The following PAPPA variants were observed in gnomAD, a reference collection of about 807,000 sequenced individuals.
PAPPA encodes the protein pappalysin 1.
PAPPA carries 60 observed loss-of-function variants against 164.0 expected under a neutral mutation model. The observed-to-expected ratio is 0.37, with a 90% confidence interval of 0.30 to 0.45. The LOEUF is 0.45. Among genes scored for constraint, PAPPA ranks in the 20% least tolerant of loss-of-function variants. The pLI is 1.00. For synonymous variants in PAPPA, 875 were observed against 814.1 expected, an observed-to-expected ratio of 1.07 and a Z score of -1.27; for missense variants, 1,782 against 2,087.3, an observed-to-expected ratio of 0.85 and a Z score of 2.85.
intron 17 of PAPPA, among the ~76,000 whole-genome samples, chr9:116,358,547 T>C (rs1846382648): frequency 6.6e-6 from 1 of 152,260 alleles, no homozygotes; most frequent in Admixed American, 6.5e-5. Flanking sequence ...CAACCAGACA[T>C]GGTGGAACTG....
chr9:116,234,124 C>G (rs1009490047), intron 6 of PAPPA, among the ~76,000 whole-genome samples: 1 of 152,122 alleles, frequency 6.6e-6, no homozygotes, highest in South Asian at 2.1e-4. Context: ...CTCCCTTAAA[C>G]AAATTAGAGC....
At position 116,397,598 on chromosome 9, in the gene PAPPA, G is replaced by C. The variant is rs890778138; in HGVS notation, c.*982G>C. ...TCCTCACTTTTTAGCCCTTCTGCAA[G>C]AGAAAAACCCTCATGGGTCCACATG... On this transcript the variant is annotated 3_prime_UTR_variant, in exon 22 of 22. Coordinates refer to ENST00000328252, the MANE Select transcript of PAPPA (RefSeq NM_002581.5). 1 of 152,614 alleles carries C rather than the reference G, an allele frequency of 6.6e-6. No homozygotes were observed. 9.5% of individuals were successfully genotyped at this position (152,614 alleles called of 1,614,324 possible). A position where few individuals can be genotyped will look rare whatever the true frequency, so the allele number is the denominator to read the frequency against.
At chr9:116,171,569 A>C (rs1245613717) in intron 1 of PAPPA, among the ~76,000 whole-genome samples, 4 of 151,736 alleles carry the variant, frequency 2.6e-5, no homozygotes, top group African/African-American at 9.7e-5. Context: ...GTGTTCCAAA[A>C]GAACAGTATC....
chr9:116,374,158 T>A (rs202184805), intron 19 of PAPPA, among the ~76,000 whole-genome samples: 4 of 143,702 alleles, frequency 2.8e-5, no homozygotes, highest in Middle Eastern at 3.5e-3. Flanking sequence ...GGTGGTAGTG[T>A]TGGTGGTGGT....
intron 7 of PAPPA, among the ~76,000 whole-genome samples, chr9:116,238,125 G>C (rs1033568528): frequency 6.6e-6 from 1 of 152,008 alleles, no homozygotes; most frequent in Non-Finnish European, 1.5e-5. Flanking sequence ...TTATTTAATG[G>C]TTAAGAATAA....
intron 17 of PAPPA, among the ~76,000 whole-genome samples, chr9:116,359,276 G>A (rs1356881455): frequency 6.6e-6 from 1 of 152,218 alleles, no homozygotes; most frequent in Non-Finnish European, 1.5e-5. Context: ...CACTGGGCAT[G>A]TTATAGGTGT....
chr9:116,219,153 C>T (rs1844411668), intron 4 of PAPPA, among the ~76,000 whole-genome samples: 1 of 152,218 alleles, frequency 6.6e-6, no homozygotes, highest in South Asian at 2.1e-4. Context: ...TCAACTATCT[C>T]CTTCTTTAGA....
chr9:116,325,318 A>G (rs1339376665), intron 10 of PAPPA, among the ~76,000 whole-genome samples: 1 of 152,124 alleles, frequency 6.6e-6, no homozygotes, highest in Non-Finnish European at 1.5e-5. Context: ...TGATATTGTG[A>G]CTATGAAACC....
At chr9:116,391,289 C>A (rs1024730275) in intron 21 of PAPPA, among the ~76,000 whole-genome samples, 3 of 152,138 alleles carry the variant, frequency 2.0e-5, no homozygotes, top group Non-Finnish European at 2.9e-5. Flanking sequence ...TGGCATCATG[C>A]CTTTATCTAC....
In PAPPA at chr9:116,399,063, T is replaced by C. The variant is rs183977630; in HGVS notation, c.*2447T>C. On this transcript the variant is annotated 3_prime_UTR_variant, in exon 22 of 22. Coordinates refer to ENST00000328252, the MANE Select transcript of PAPPA (RefSeq NM_002581.5). ...AAGCTCTGAAGACCCAAAGATGACA[T>C]TACTAATGATGTGATTTCAGGAGCC... 1 of 175,592 alleles carries C rather than the reference T, an allele frequency of 5.7e-6. No individual in the cohort carries two copies. The highest frequency in any genetic ancestry group is 1.7e-4 in the East Asian group (1 of 5,952). The allele number at this position is 175,592 out of a possible 1,614,324, so 10.9% of individuals were successfully genotyped here. A position where few individuals can be genotyped will look rare whatever the true frequency, so the allele number is the denominator to read the frequency against.
chr9:116,295,001 C>G (rs1416997210), intron 9 of PAPPA, among the ~76,000 whole-genome samples: 1 of 152,160 alleles, frequency 6.6e-6, no homozygotes, highest in Admixed American at 6.5e-5. Flanking sequence ...AGTGCACATT[C>G]AAAATCTTTG....
rs1488448297 is a variant in PAPPA, at chr9:116,235,431, A to G, written c.2526A>G (p.Arg842=). The stretch of plus-strand genomic sequence containing the variant: ...TCTGTGATGTCCCACTGACCATCAG[A>G]CTCTGGGACGTGGGCGAGGAGGTGT... ...NVFCDVPLTI[R]LWDVGEEVYG... is the part of the protein sequence containing the mutation. Residue 842 remains arginine (R), a synonymous_variant, in exon 7 of 22, where the codon AGA becomes AGG. Coordinates refer to ENST00000328252, the MANE Select transcript of PAPPA (RefSeq NM_002581.5). The G allele has an allele frequency of 6.2e-7, 1 of 1,613,396 alleles. No homozygotes were observed. Among genetic ancestry groups the G allele is most frequent in the Non-Finnish European group, 8.5e-7 (1 of 1,179,830 alleles).
intron 13 of PAPPA, among the ~76,000 whole-genome samples, 169 bp downstream of exon 13, chr9:116,335,243 T>G (rs752737961): frequency 1.3e-5 from 2 of 152,122 alleles, no homozygotes; most frequent in Non-Finnish European, 2.9e-5. Context: ...CATGAGTCTC[T>G]GAATTCCTGG....
In PAPPA at chr9:116,271,119, A is replaced by G. The variant is rs1330828552; in HGVS notation, c.2862-206A>G. Among the ~76,000 whole-genome samples, 1 of 152,246 alleles carries G rather than the reference A, an allele frequency of 6.6e-6. No homozygotes were observed. The highest frequency in any genetic ancestry group is 2.4e-5 in the African/African-American group (1 of 41,470). On this transcript the variant is annotated intron_variant, in intron 8 of 21. Transcript: ENST00000328252. The surrounding 1 kb of genome is among the most constrained non-coding windows in gnomAD (Gnocchi z 4.2). ...GGACTTCTACTTTGTCATCAGAAACACAAAGCAAGGCAAATGTGAAAGTAT... is the reference window on the plus strand; with the variant it reads ...GGACTTCTACTTTGTCATCAGAAACGCAAAGCAAGGCAAATGTGAAAGTAT...
At chr9:116,332,823 G>A (rs1410745524) in intron 12 of PAPPA, 1 of 187,072 alleles carries the variant, frequency 5.3e-6, no homozygotes, top group African/African-American at 2.3e-5. Context: ...GAGAGGCACT[G>A]AGAGACCCCA....
At chr9:116,225,479 A>G (rs952972325) in intron 5 of PAPPA, among the ~76,000 whole-genome samples, 22 of 152,292 alleles carry the variant, frequency 1.4e-4, no homozygotes, top group African/African-American at 5.1e-4. Context: ...ATTTTGTTTC[A>G]TAGTGTTATT....
intron 1 of PAPPA, among the ~76,000 whole-genome samples, chr9:116,163,894 T>A (rs908545546): frequency 3.3e-5 from 5 of 152,162 alleles, no homozygotes; most frequent in Admixed American, 1.3e-4. Context: ...GTGGTAGAAT[T>A]TCTAAGACTG....
chr9:116,264,947 AG>A (rs1479125037), intron 7 of PAPPA, among the ~76,000 whole-genome samples: 4 of 152,116 alleles, frequency 2.6e-5, no homozygotes, highest in Admixed American at 2.6e-4. Context: ...AAGCCCAAGC[AG>A]GTACTAGGAG....
At chr9:116,297,887 C>T (rs942319357) in intron 9 of PAPPA, among the ~76,000 whole-genome samples, 1 of 152,178 alleles carries the variant, frequency 6.6e-6, no homozygotes, top group Non-Finnish European at 1.5e-5. Context: ...ATTTGATCAT[C>T]CTCAGAACCT....
Sources: allele counts gnomAD v4.1 joint callset (sites outside exome capture counted in the v4.1 genomes callset), GRCh38; gene constraint gnomAD v4.1.1; non-coding constraint Gnocchi (gnomAD v3.1); transcripts MANE v1.5; gene names NCBI Gene and HGNC (gene_info 2026-07-23, HGNC 2026-07-21).